AKR7A2: variants seen among roughly 807,000 people sequenced by gnomAD.
AKR7A2 encodes the protein aflatoxin B1 aldehyde reductase member 2.
Under a neutral mutation model 37.3 loss-of-function variants are expected in AKR7A2, and 29 were observed. The ratio of observed to expected loss-of-function variants is 0.78; its 90% CI spans 0.58 to 1.06. The LOEUF is 1.06. AKR7A2 is among the 50% of genes least tolerant of loss of function. AKR7A2 has a pLI of 0.00. For synonymous variants in AKR7A2, 228 were observed against 217.8 expected (o/e 1.05, Z -0.41); for missense variants, 529 against 497.9 (o/e 1.06, Z -0.59).
chr1:19,304,087 C>T lies in AKR7A2; in HGVS notation c.*138G>A. On this transcript the variant is annotated 3_prime_UTR_variant, in exon 7 of 7. Coordinates refer to ENST00000235835, the MANE Select transcript of AKR7A2 (RefSeq NM_003689.4). ...AGTGTAAAGTGAATAGGGAGCAAGGCAGGAAGCTAGAAAAATAATGCATGG... is the reference window on the plus strand; with the variant it reads ...AGTGTAAAGTGAATAGGGAGCAAGGTAGGAAGCTAGAAAAATAATGCATGG... 1.4e-6 allele frequency: 2 copies of T among 1,398,836 alleles called. No homozygotes were observed. The highest frequency in any genetic ancestry group is 1.4e-5 in the African/African-American group (1 of 70,126). 86.7% of individuals were successfully genotyped at this position (1,398,836 alleles called of 1,614,324 possible).
chr1:19,307,857 T>G lies in AKR7A2; in HGVS notation c.591+301A>C, dbSNP rs1328311678. Reference sequence around the variant, plus strand: ...AGGCTTCCAGAGGAGGAGACCTCTATGTAAGGCCTGAGTGCTTCTCCCAGG... The same window carrying G: ...AGGCTTCCAGAGGAGGAGACCTCTAGGTAAGGCCTGAGTGCTTCTCCCAGG... On this transcript the variant is annotated intron_variant, in intron 3 of 6. Transcript: ENST00000235835. The G allele has an allele frequency of 1.9e-5, 10 of 534,102 alleles. No individual in the cohort carries two copies. The East Asian group carries it at 3.4e-4, about 18-fold the overall frequency. 33.1% of individuals were successfully genotyped at this position (534,102 alleles called of 1,614,324 possible).
chr1:19,310,752 C>G (rs2093771862), intron 1 of AKR7A2, among the ~76,000 whole-genome samples: 1 of 147,922 alleles, frequency 6.8e-6, no homozygotes, highest in African/African-American at 2.5e-5. Flanking sequence ...CATTTGCCCT[C>G]TTTTCCCCCC....
At position 19,312,018 on chromosome 1, in the gene AKR7A2, G is replaced by C. The variant is rs1272042315; in HGVS notation, c.107C>G (p.Pro36Arg). 6.9e-7 allele frequency: 1 copy of C among 1,455,042 alleles called. No homozygotes were observed. The highest frequency in any genetic ancestry group is 9.0e-7 in the Non-Finnish European group (1 of 1,108,632). 90.1% of individuals were successfully genotyped at this position (1,455,042 alleles called of 1,614,324 possible). Residue 36 changes from proline to arginine, a missense_variant, in exon 1 of 7, where the codon CCG (proline) becomes CGG (arginine). Physicochemically the swap from Pro to Arg is moderately radical, Grantham distance 103. Transcript: ENST00000235835. The stretch of plus-strand genomic sequence containing the variant: ...GGTGCCCAGCACCGAGGCGACCCGC[G>C]GTGGCGGTGGCCGGGACATGGCGAG... ...RALAMSRPPPPRVASVLGTME... is the reference protein window; with the variant it reads ...RALAMSRPPPRRVASVLGTME...
rs2093778571 is a variant in AKR7A2, at chr1:19,312,106, G to C, written c.19C>G (p.Arg7Gly). 12 of 1,328,220 alleles carry C rather than the reference G, an allele frequency of 9.0e-6. No individual in the cohort carries two copies. The highest frequency in any genetic ancestry group is 8.2e-5 in the Admixed American group (2 of 24,334). The allele number at this position is 1,328,220 out of a possible 1,614,324, so 82.3% of individuals were successfully genotyped here. A position where few individuals can be genotyped will look rare whatever the true frequency, so the allele number is the denominator to read the frequency against. The change falls in exon 1 of 7, where the codon CGC becomes GGC. Residue 7 changes from arginine to glycine, a missense_variant. Coordinates refer to ENST00000235835, the MANE Select transcript of AKR7A2 (RefSeq NM_003689.4). ...TGGACGGCGGCGCGGGAGACTACGCGAGACGCGGCACTCAGCATAGCAGCG... is the reference window on the plus strand; with the variant it reads ...TGGACGGCGGCGCGGGAGACTACGCCAGACGCGGCACTCAGCATAGCAGCG... MLSAAS[R>G]VVSRAAVHCA...
rs200249554 is a variant in AKR7A2, at chr1:19,306,158, G to A, written c.789-11C>T. ...TGCTCCTTCCAGAAGCTGTGCAGAG[G>A]GGATGTTAGCACAGGGGTCAGTACC... On this transcript the variant is annotated splice_polypyrimidine_tract_variant and intron_variant, in intron 5 of 6. Coordinates refer to ENST00000235835, the MANE Select transcript of AKR7A2 (RefSeq NM_003689.4). The A allele has an allele frequency of 2.8e-5, 45 of 1,614,064 alleles. No individual in the cohort carries two copies. Among genetic ancestry groups the A allele is most frequent in the Middle Eastern group, 1.6e-4 (1 of 6,084 alleles).
chr1:19,310,559 G>A (rs909710277), intron 1 of AKR7A2, among the ~76,000 whole-genome samples: 2 of 152,074 alleles, frequency 1.3e-5, no homozygotes, highest in African/African-American at 2.4e-5. Context: ...TTAGCTGGGC[G>A]TGGCCGTGTG....
intron 6 of AKR7A2, 129 bp from the exon 7 acceptor site, chr1:19,304,515 G>A (rs2093757769): frequency 2.0e-6 from 3 of 1,521,158 alleles, no homozygotes; most frequent in Admixed American, 3.4e-5. Flanking sequence ...GTCCAGAAAG[G>A]ACTTAAGGTG....
intron 1 of AKR7A2, among the ~76,000 whole-genome samples, chr1:19,309,813 G>A (rs1056934399): frequency 7.9e-5 from 12 of 152,258 alleles, no homozygotes; most frequent in East Asian, 3.9e-4. Context: ...GGTAGCTCAC[G>A]CCTGTAATCC....
chr1:19,309,687 G>A (rs1364772136), intron 1 of AKR7A2, among the ~76,000 whole-genome samples: 1 of 152,036 alleles, frequency 6.6e-6, no homozygotes, highest in Non-Finnish European at 1.5e-5. Flanking sequence ...TACTTTGGGA[G>A]GCTGAGTAGG....
chr1:19,305,114 T>C (rs1276666811), intron 6 of AKR7A2: 5 of 157,262 alleles, frequency 3.2e-5, no homozygotes, highest in African/African-American at 4.8e-5. Flanking sequence ...GTGTCATCCT[T>C]GCGCAGGGGC....
At chr1:19,310,222 T>A (rs1467425065) in intron 1 of AKR7A2, among the ~76,000 whole-genome samples, 1 of 152,112 alleles carries the variant, frequency 6.6e-6, no homozygotes, top group Non-Finnish European at 1.5e-5. Flanking sequence ...ACAGAACAAG[T>A]TCCACAGTTT....
intron 1 of AKR7A2, 40 bp downstream of exon 1, chr1:19,311,787 C>T (rs2093776687): frequency 2.5e-6 from 4 of 1,607,836 alleles, no homozygotes; most frequent in African/African-American, 2.7e-5. Context: ...ACAGGCTCAG[C>T]TCTACACGAT....
chr1:19,306,525 T>C (rs2093761914), intron 5 of AKR7A2, among the ~76,000 whole-genome samples: 1 of 152,004 alleles, frequency 6.6e-6, no homozygotes, highest in African/African-American at 2.4e-5. Flanking sequence ...CCTCAACCTC[T>C]TAGACTCAAG....
At chr1:19,303,268 A>G, downstream of AKR7A2, among the ~76,000 whole-genome samples, 1 of 152,222 alleles carries the variant, frequency 6.6e-6, no homozygotes, top group East Asian at 1.9e-4. Flanking sequence ...GCCTGTCTCA[A>G]GAACAAATAA....
chr1:19,309,119 T>C (rs573232258), intron 1 of AKR7A2, among the ~76,000 whole-genome samples: 10 of 152,144 alleles, frequency 6.6e-5, no homozygotes, highest in Non-Finnish European at 1.3e-4. Flanking sequence ...CTCCAGAGCA[T>C]GGGAACCCAT....
rs755433212 is a variant in AKR7A2, at chr1:19,312,010, C to A, written c.115G>T (p.Ala39Ser). ...ATCTCCATGGTGCCCAGCACCGAGG[C>A]GACCCGCGGTGGCGGTGGCCGGGAC... The part of the protein sequence containing the change: ...AMSRPPPPRV[A>S]SVLGTMEMGR... Residue 39 changes from alanine (A) to serine (S), a missense_variant, in exon 1 of 7, where the codon GCC becomes TCC. Coordinates refer to ENST00000235835, the MANE Select transcript of AKR7A2 (RefSeq NM_003689.4). 1.4e-5 allele frequency: 20 copies of A among 1,470,806 alleles called. No homozygotes were observed. The highest frequency in any genetic ancestry group is 2.4e-4 in the Middle Eastern group (1 of 4,158). 91.1% of individuals were successfully genotyped at this position (1,470,806 alleles called of 1,614,324 possible). A position where few individuals can be genotyped will look rare whatever the true frequency, so the allele number is the denominator to read the frequency against.
Position 19,306,047 on chromosome 1 carries a change from G to C in AKR7A2, c.889C>G (p.Arg297Gly). ...SAPSVTSAALRWMYHHSQLQG... is the reference protein window; with the variant it reads ...SAPSVTSAALGWMYHHSQLQG... ...AGCTGTGAGTGGTGGTACATCCACC[G>C]GAGGGCAGCCGAGGTCACACTGGGG... Residue 297 changes from arginine to glycine, a missense_variant, in exon 6 of 7, where the codon CGG (arginine) becomes GGG (glycine). Coordinates refer to ENST00000235835, the MANE Select transcript of AKR7A2 (RefSeq NM_003689.4). The C allele has an allele frequency of 6.2e-7, 1 of 1,614,122 alleles. No homozygotes were observed. The highest frequency in any genetic ancestry group is 8.5e-7 in the Non-Finnish European group (1 of 1,179,946).
chr1:19,307,088 A>G lies in AKR7A2; in HGVS notation c.702T>C (p.Thr234=), dbSNP rs765959035. The change falls in exon 5 of 7, where the codon ACT becomes ACC. Residue 234 remains threonine, a synonymous_variant. Transcript: ENST00000235835. ...AYNPLAGGLL[T]GKYKYEDKDG... Reference sequence around the variant, plus strand: ...CCTTGTCCTCATACTTGTACTTGCCAGTCAGCAGGCCCCCTGCGGGAAGGC... The same window carrying G: ...CCTTGTCCTCATACTTGTACTTGCCGGTCAGCAGGCCCCCTGCGGGAAGGC... 57 of 1,614,024 alleles carry G rather than the reference A, an allele frequency of 3.5e-5. No homozygotes were observed. Among genetic ancestry groups the G allele is most frequent in the Non-Finnish European group, 4.4e-5 (52 of 1,180,026 alleles).
At chr1:19,310,959 T>A (rs1400592924) in intron 1 of AKR7A2, among the ~76,000 whole-genome samples, 1 of 152,138 alleles carries the variant, frequency 6.6e-6, no homozygotes, top group Non-Finnish European at 1.5e-5. Context: ...GTCCCCTCCA[T>A]CCTCCACTCA....
Sources: allele counts gnomAD v4.1 joint callset (sites outside exome capture counted in the v4.1 genomes callset), GRCh38; gene constraint gnomAD v4.1.1; transcripts MANE v1.5; gene names NCBI Gene and HGNC (gene_info 2026-07-23, HGNC 2026-07-21).